Variants in GTF2E2 observed in about 807,000 individuals in gnomAD.
GTF2E2 encodes transcription initiation factor IIE subunit beta.
In GTF2E2, 21 loss-of-function variants were observed where a neutral mutation model predicts 40.5. The ratio of observed to expected loss-of-function variants is 0.52; its 90% CI spans 0.37 to 0.75. The LOEUF (loss-of-function observed/expected upper bound fraction) is 0.75. Ranked by LOEUF, GTF2E2 falls within the 30% of genes least tolerant of loss-of-function variation. The pLI is 0.00. For missense variants in GTF2E2, 298 were observed against 338.4 expected (o/e 0.88, Z 0.94); for synonymous variants, 117 against 121.6 (o/e 0.96, Z 0.25).
Position 30,616,302 on chromosome 8 carries a change from A to T in GTF2E2, c.259-1587T>A, listed in dbSNP as rs545513780. ...ATACAAAAAATTAGCCAGGCGTGGT[A>T]GCGGGTGCCTGTAGTCTCAGCTACT... is the stretch of plus-strand genomic sequence containing the variant. On this transcript the variant is annotated intron_variant, in intron 3 of 7. Transcript: ENST00000355904. 1.3e-3 allele frequency among the ~76,000 whole-genome samples: 201 copies of T among 152,094 alleles called. 2 individuals carry two copies. Among genetic ancestry groups the T allele is most frequent in the South Asian group, 0.012 (58 of 4,816 alleles).
chr8:30,598,841 T>A (rs1829088367), intron 6 of GTF2E2, among the ~76,000 whole-genome samples: 1 of 152,088 alleles, frequency 6.6e-6, no homozygotes, highest in South Asian at 2.1e-4. Context: ...ATAAAATGCG[T>A]GAAAGAAAAT....
At chr8:30,653,338 G>T in intron 2 of GTF2E2, 95 bp downstream of exon 2, 1 of 848,462 alleles carries the variant, frequency 1.2e-6, no homozygotes, top group Non-Finnish European at 1.9e-6. Context: ...CTATCAACAT[G>T]AGTGCTGAAC....
intron 1 of GTF2E2, 35 bp downstream of exon 1, chr8:30,657,938 C>A (rs1402563810): frequency 1.3e-5 from 2 of 152,102 alleles, no homozygotes; most frequent in East Asian, 1.9e-4. Flanking sequence ...CAAGCCGGGG[C>A]TCTGCGCCCC....
chr8:30,656,128 T>G (rs1209655654), intron 1 of GTF2E2, among the ~76,000 whole-genome samples: 3 of 152,256 alleles, frequency 2.0e-5, no homozygotes, highest in African/African-American at 7.2e-5. Context: ...TTTCAATTCC[T>G]AAAGCCACCT....
At chr8:30,622,333 C>A (rs1341025057) in intron 3 of GTF2E2, among the ~76,000 whole-genome samples, 4 of 151,884 alleles carry the variant, frequency 2.6e-5, no homozygotes, top group Non-Finnish European at 5.9e-5. Context: ...TTCCGTGATG[C>A]CCCACAAGCT....
At chr8:30,656,331 C>A (rs1317729045) in intron 1 of GTF2E2, among the ~76,000 whole-genome samples, 5 of 152,072 alleles carry the variant, frequency 3.3e-5, no homozygotes, top group Admixed American at 1.3e-4. Context: ...AATGATTTAC[C>A]GGGCTGAGGA....
At chr8:30,601,234 C>A (rs1451991954) in intron 6 of GTF2E2, among the ~76,000 whole-genome samples, 2 of 152,158 alleles carry the variant, frequency 1.3e-5, no homozygotes, top group Non-Finnish European at 2.9e-5. Context: ...CCATTCTACC[C>A]GCTCAGCCTG....
chr8:30,606,511 T>C (rs1829319321), intron 6 of GTF2E2, among the ~76,000 whole-genome samples: 1 of 152,200 alleles, frequency 6.6e-6, no homozygotes, highest in South Asian at 2.1e-4. Context: ...TAAACCCTTG[T>C]TTAATGACAA....
At chr8:30,633,777 C>A (rs956862127) in intron 3 of GTF2E2, among the ~76,000 whole-genome samples, 1 of 152,138 alleles carries the variant, frequency 6.6e-6, no homozygotes, top group African/African-American at 2.4e-5. Flanking sequence ...TTCATAACTG[C>A]TTACCATGTG....
intron 6 of GTF2E2, among the ~76,000 whole-genome samples, chr8:30,591,065 T>A (rs997770891): frequency 2.0e-5 from 3 of 152,096 alleles, no homozygotes; most frequent in African/African-American, 4.8e-5. Context: ...TGGAAAAAAA[T>A]ATCTGTAAAG....
chr8:30,596,392 T>C (rs952487563), intron 6 of GTF2E2, among the ~76,000 whole-genome samples: 2 of 152,224 alleles, frequency 1.3e-5, no homozygotes, highest in Non-Finnish European at 2.9e-5. Flanking sequence ...AATAATGAGC[T>C]TGTTGAAGAC....
chr8:30,645,886 G>A (rs577898909), intron 2 of GTF2E2: 10 of 273,192 alleles, frequency 3.7e-5, no homozygotes, highest in African/African-American at 1.5e-4. Context: ...CAAAAGATAA[G>A]CTGGAAAAGA....
At chr8:30,607,507 C>G (rs1829352643) in intron 5 of GTF2E2, among the ~76,000 whole-genome samples, 1 of 152,114 alleles carries the variant, frequency 6.6e-6, no homozygotes, top group Non-Finnish European at 1.5e-5. Context: ...TCTTGAACTC[C>G]TGGGCTCAAG....
At chr8:30,585,627 G>A (rs1828659139) in intron 6 of GTF2E2, among the ~76,000 whole-genome samples, 1 of 152,014 alleles carries the variant, frequency 6.6e-6, no homozygotes, top group South Asian at 2.1e-4. Flanking sequence ...AAATATTTGT[G>A]TATTGCTAGT....
chr8:30,592,195 C>G (rs1306892370), intron 6 of GTF2E2, among the ~76,000 whole-genome samples: 7 of 152,042 alleles, frequency 4.6e-5, no homozygotes, highest in Admixed American at 4.6e-4. Context: ...CTGGGCAACA[C>G]TGCAAAATCC....
chr8:30,610,238 G>T (rs1350341381), intron 5 of GTF2E2, among the ~76,000 whole-genome samples: 3 of 152,056 alleles, frequency 2.0e-5, no homozygotes, highest in Non-Finnish European at 4.4e-5. Context: ...TTGAGGTCAG[G>T]AGTTCGAGAC....
At chr8:30,654,505 C>T (rs1412905532) in intron 1 of GTF2E2, among the ~76,000 whole-genome samples, 1 of 152,050 alleles carries the variant, frequency 6.6e-6, no homozygotes, top group Non-Finnish European at 1.5e-5. Context: ...TGGGCTCAAG[C>T]AATCCTCCCA....
chr8:30,598,797 G>C (rs974605233), intron 6 of GTF2E2, among the ~76,000 whole-genome samples: 28 of 152,162 alleles, frequency 1.8e-4, no homozygotes, highest in Admixed American at 1.5e-3. Flanking sequence ...ATGTTCAGTT[G>C]ACAAAGAGAA....
intron 3 of GTF2E2, among the ~76,000 whole-genome samples, chr8:30,620,765 CA>C (rs754974238): frequency 0.012 from 1,565 of 131,004 alleles, 34 homozygotes; most frequent in African/African-American, 0.037. Flanking sequence ...CTCGACTCCA[CA>C]AAAAAAAAAA....
Sources: allele counts gnomAD v4.1 joint callset (sites outside exome capture counted in the v4.1 genomes callset), GRCh38; gene constraint gnomAD v4.1.1; transcripts MANE v1.5; gene names NCBI Gene and HGNC (gene_info 2026-07-23, HGNC 2026-07-21).